The following MED27 variants were observed in gnomAD, a reference collection of about 807,000 sequenced individuals.
The protein encoded by MED27 is mediator of RNA polymerase II transcription subunit 27.
A neutral mutation model predicts 38.2 loss-of-function variants in MED27; 30 were observed. That is an observed-to-expected ratio of 0.79 (90% confidence interval 0.59 to 1.07). The LOEUF (loss-of-function observed/expected upper bound fraction) is 1.07. Ranked by LOEUF, MED27 falls within the 50% of genes least tolerant of loss-of-function variation. The pLI is 0.00. For missense variants in MED27, 289 were observed against 397.5 expected (o/e 0.73, Z 2.32); for synonymous variants, 122 against 153.5 (o/e 0.79, Z 1.52).
intron 3 of MED27, among the ~76,000 whole-genome samples, chr9:131,992,490 T>C (rs1831997900): frequency 6.6e-6 from 1 of 152,140 alleles, no homozygotes; most frequent in Non-Finnish European, 1.5e-5. Flanking sequence ...CTCGACCTCC[T>C]GGGCTCAAAG....
intron 2 of MED27, among the ~76,000 whole-genome samples, chr9:132,060,383 A>G (rs566750940): frequency 7.2e-5 from 11 of 152,202 alleles, no homozygotes; most frequent in Non-Finnish European, 1.6e-4. Flanking sequence ...CCTGTAAGAT[A>G]CAGATATCCC....
chr9:131,863,049 T>C lies in MED27; in HGVS notation c.801+14A>G. The C allele has an allele frequency of 6.2e-7, 1 of 1,613,350 alleles. No individual in the cohort carries two copies. Among genetic ancestry groups the C allele is most frequent in the Non-Finnish European group, 8.5e-7 (1 of 1,179,292 alleles). On this transcript the variant is annotated intron_variant, in intron 7 of 7. Coordinates refer to ENST00000292035, the MANE Select transcript of MED27 (RefSeq NM_004269.4). ...GAGGTTTAAACAGGAGACCTGACTCTTGAAGCCACTTACCATGAAGGATCG... is the reference window on the plus strand; with the variant it reads ...GAGGTTTAAACAGGAGACCTGACTCCTGAAGCCACTTACCATGAAGGATCG...
chr9:131,929,262 G>T (rs1210688396), intron 4 of MED27, among the ~76,000 whole-genome samples: 1 of 152,224 alleles, frequency 6.6e-6, no homozygotes, highest in East Asian at 1.9e-4. Context: ...TCTGAGACGT[G>T]CTGGCTTCAA....
intron 6 of MED27, among the ~76,000 whole-genome samples, chr9:131,876,767 C>T (rs940834233): frequency 6.6e-6 from 1 of 152,158 alleles, no homozygotes; most frequent in Non-Finnish European, 1.5e-5. Context: ...CACTAGCGGG[C>T]TCACGCACAA....
intron 4 of MED27, among the ~76,000 whole-genome samples, chr9:131,906,109 C>T (rs372393006): frequency 1.3e-5 from 2 of 152,174 alleles, no homozygotes; most frequent in African/African-American, 4.8e-5. Context: ...TAGAACAGAT[C>T]ACTCAATTAT....
chr9:131,928,202 G>A (rs909660814), intron 4 of MED27, among the ~76,000 whole-genome samples: 2 of 152,004 alleles, frequency 1.3e-5, no homozygotes, highest in African/African-American at 2.4e-5. Flanking sequence ...GGAAAATGCC[G>A]TCTTTCCCTA....
At position 131,864,140 on chromosome 9, in the gene MED27, C is replaced by T. The variant is rs182155406; in HGVS notation, c.724-1000G>A. Among the ~76,000 whole-genome samples the T allele has an allele frequency of 2.0e-4, 30 of 152,280 alleles. No individual in the cohort carries two copies. The South Asian group carries it at 2.1e-3, about 11-fold the overall frequency. On this transcript the variant is annotated intron_variant, in intron 6 of 7. Coordinates refer to ENST00000292035, the MANE Select transcript of MED27 (RefSeq NM_004269.4). ...TAGTTATGTTCAAAGTAATGGTTTA[C>T]ATGATTGTCCTCATTAGGGATTCTT... is the stretch of plus-strand genomic sequence containing the variant.
At chr9:131,915,977 ATTAG>A (rs1157958415) in intron 4 of MED27, among the ~76,000 whole-genome samples, 4 of 152,252 alleles carry the variant, frequency 2.6e-5, no homozygotes, top group African/African-American at 4.8e-5. Flanking sequence ...ATGTAGTACA[ATTAG>A]TTAAATTAAC....
At chr9:132,025,187 T>C (rs1165298142) in intron 2 of MED27, among the ~76,000 whole-genome samples, 1 of 152,002 alleles carries the variant, frequency 6.6e-6, no homozygotes, top group Admixed American at 6.5e-5. Context: ...AGTGAATTTT[T>C]TTTTTTTTTT....
chr9:131,916,237 TA>T (rs1428338151), intron 4 of MED27, among the ~76,000 whole-genome samples: 1 of 152,258 alleles, frequency 6.6e-6, no homozygotes, highest in East Asian at 1.9e-4. Context: ...AAACTGCTTT[TA>T]AAATCAGTTG....
intron 2 of MED27, among the ~76,000 whole-genome samples, chr9:132,069,772 C>T (rs1589302148): frequency 6.6e-6 from 1 of 152,326 alleles, no homozygotes; most frequent in Non-Finnish European, 1.5e-5. Flanking sequence ...CCCAGCCCAA[C>T]CCTTCATCCT....
At chr9:131,870,695 T>C (rs1253440809) in intron 6 of MED27, among the ~76,000 whole-genome samples, 2 of 152,072 alleles carry the variant, frequency 1.3e-5, no homozygotes, top group East Asian at 3.9e-4. Flanking sequence ...CCAGGCCCTC[T>C]CCTCCCCAGA....
chr9:132,023,335 C>A (rs1225811091), intron 2 of MED27, among the ~76,000 whole-genome samples: 3 of 152,082 alleles, frequency 2.0e-5, no homozygotes, highest in Non-Finnish European at 4.4e-5. Context: ...GGTATCCAGT[C>A]AATAAACTAA....
rs75244420 is a variant in MED27, at chr9:131,957,801, G to A, written c.480-18327C>T. Reference sequence around the variant, plus strand: ...GAACTCTCAAAAGACACATCTGGCTGGGCTTAATGGTTCACGTCTGTAATC... The same window carrying A: ...GAACTCTCAAAAGACACATCTGGCTAGGCTTAATGGTTCACGTCTGTAATC... On this transcript the variant is annotated intron_variant, in intron 3 of 7. Transcript: ENST00000292035. Among the ~76,000 whole-genome samples the A allele has an allele frequency of 2.1e-3, 317 of 152,030 alleles. 1 individual carries two copies. Among genetic ancestry groups the A allele is most frequent in the African/African-American group, 7.5e-3 (309 of 41,466 alleles).
chr9:132,019,387 T>C (rs913365974), intron 2 of MED27, among the ~76,000 whole-genome samples: 2 of 152,188 alleles, frequency 1.3e-5, no homozygotes, highest in Non-Finnish European at 2.9e-5. Flanking sequence ...ATGGCTGGCC[T>C]CTTACGAAAG....
intron 3 of MED27, among the ~76,000 whole-genome samples, chr9:131,980,719 G>C (rs948148231): frequency 2.0e-5 from 3 of 151,404 alleles, no homozygotes; most frequent in African/African-American, 7.3e-5. Context: ...AAACTGTATG[G>C]AAACATGAGC....
At chr9:132,042,945 A>G (rs1164760888) in intron 2 of MED27, among the ~76,000 whole-genome samples, 1 of 152,222 alleles carries the variant, frequency 6.6e-6, no homozygotes, top group Non-Finnish European at 1.5e-5. Flanking sequence ...TAGAGAGGTC[A>G]ATACACAGAT....
At chr9:131,921,764 TG>T (rs1469056867) in intron 4 of MED27, among the ~76,000 whole-genome samples, 1 of 152,156 alleles carries the variant, frequency 6.6e-6, no homozygotes, top group African/African-American at 2.4e-5. Context: ...AGCAAAGACT[TG>T]GAACCAACCC....
At chr9:131,875,830 C>G (rs1838921362) in intron 6 of MED27, among the ~76,000 whole-genome samples, 1 of 152,242 alleles carries the variant, frequency 6.6e-6, no homozygotes, top group Non-Finnish European at 1.5e-5. Context: ...CCAGGCTTGT[C>G]TCAAACTCCT....
Sources: allele counts gnomAD v4.1 joint callset (sites outside exome capture counted in the v4.1 genomes callset), GRCh38; gene constraint gnomAD v4.1.1; transcripts MANE v1.5; gene names NCBI Gene and HGNC (gene_info 2026-07-23, HGNC 2026-07-21).